CA8: variants seen among roughly 807,000 people sequenced by gnomAD.
The protein encoded by CA8 is carbonic anhydrase-related protein.
A neutral mutation model predicts 41.4 loss-of-function variants in CA8; 22 were observed. The observed-to-expected ratio is 0.53, with a 90% CI of 0.38 to 0.76. CA8 has a LOEUF of 0.76. CA8 is among the 30% of genes least tolerant of loss of function. CA8 has a pLI of 0.00. For missense variants in CA8, 270 were observed against 352.8 expected (o/e 0.77, Z 1.88); for synonymous variants, 121 against 130.6 (o/e 0.93, Z 0.50).
chr8:60,213,841 G>T (rs1465137004), intron 7 of CA8, among the ~76,000 whole-genome samples: 1 of 151,862 alleles, frequency 6.6e-6, no homozygotes, highest in Non-Finnish European at 1.5e-5. Flanking sequence ...GACAGGGCTG[G>T]CCTAGCGCTG....
chr8:60,255,971 C>T (rs938345569), intron 3 of CA8, among the ~76,000 whole-genome samples: 10 of 149,476 alleles, frequency 6.7e-5, no homozygotes, highest in African/African-American at 1.7e-4. Context: ...TGCAATGATG[C>T]GATCTCAGGC....
intron 2 of CA8, among the ~76,000 whole-genome samples, chr8:60,266,736 A>C (rs548844455): frequency 9.6e-4 from 146 of 152,334 alleles, no homozygotes; most frequent in African/African-American, 3.4e-3. Context: ...GAGCACACTA[A>C]AGGATAATGA....
chr8:60,204,855 T>C (rs1563522655), intron 8 of CA8, among the ~76,000 whole-genome samples: 2 of 152,334 alleles, frequency 1.3e-5, no homozygotes, highest in East Asian at 3.9e-4. Flanking sequence ...TTTCACCTAC[T>C]TGGTCATTCA....
At position 60,187,291 on chromosome 8, in the gene CA8, C is replaced by A. The variant is rs1309806066; in HGVS notation, c.*2730G>T. 6.6e-6 allele frequency: 1 copy of A among 151,950 alleles called. No individual in the cohort carries two copies. Among genetic ancestry groups the A allele is most frequent in the Non-Finnish European group, 1.5e-5 (1 of 67,924 alleles). 9.4% of individuals were successfully genotyped at this position (151,950 alleles called of 1,614,324 possible). A position where few individuals can be genotyped will look rare whatever the true frequency, so the allele number is the denominator to read the frequency against. On this transcript the variant is annotated 3_prime_UTR_variant, in exon 9 of 9. Coordinates refer to ENST00000317995, the MANE Select transcript of CA8 (RefSeq NM_004056.6). The stretch of plus-strand genomic sequence containing the variant: ...ACCTTGAGATGAATGAAAACAAAAA[C>A]ATGGCATACCAAAACTTATTGGATG...
At chr8:60,272,890 T>G (rs890991524) in intron 2 of CA8, among the ~76,000 whole-genome samples, 1 of 152,204 alleles carries the variant, frequency 6.6e-6, no homozygotes, top group African/African-American at 2.4e-5. Context: ...AGTTCACAGG[T>G]GCACATCTCC....
chr8:60,232,345 C>A lies in CA8; in HGVS notation c.452G>T (p.Gly151Val), dbSNP rs767757358. The change falls in exon 4 of 9, where the codon GGC becomes GTC. Residue 151 changes from glycine (G) to valine (V), a missense_variant. Coordinates refer to ENST00000317995, the MANE Select transcript of CA8 (RefSeq NM_004056.6). The part of the protein sequence containing the change: ...HLIHWNSTLF[G>V]SIDEAVGKPH... ...CTTCCCCACAGCCTCATCAATGCTGCCAAACAGAGTGGAGTTCCAGTGGAT... is the reference window on the plus strand; with the variant it reads ...CTTCCCCACAGCCTCATCAATGCTGACAAACAGAGTGGAGTTCCAGTGGAT... 7 of 1,614,026 alleles carry A rather than the reference C, an allele frequency of 4.3e-6. No individual in the cohort carries two copies. The South Asian group carries it at 7.7e-5, about 18-fold the overall frequency.
intron 2 of CA8, among the ~76,000 whole-genome samples, chr8:60,269,124 C>T (rs1803989122): frequency 6.6e-6 from 1 of 152,174 alleles, no homozygotes; most frequent in African/African-American, 2.4e-5. Flanking sequence ...AGAGCATTAC[C>T]TGTTCATCCC....
chr8:60,259,123 GGACA>G (rs1486171145), intron 3 of CA8, among the ~76,000 whole-genome samples: 18 of 152,216 alleles, frequency 1.2e-4, no homozygotes, highest in Admixed American at 7.2e-4. Context: ...ATGGGTGGAC[GGACA>G]GACAAATAAA....
In CA8 at chr8:60,213,954, A is replaced by G. The variant is rs575974477; in HGVS notation, c.739-5035T>C. Among the ~76,000 whole-genome samples the G allele has an allele frequency of 2.0e-4, 31 of 152,270 alleles. No homozygotes were observed. The East Asian group carries it at 5.2e-3, about 26-fold the overall frequency. On this transcript the variant is annotated intron_variant, in intron 7 of 8. Transcript: ENST00000317995. ...GGTACATATGAAACAGTGGTTCTCA[A>G]AGTATCCTCCCAGAATAAAAGTTTA... is the stretch of plus-strand genomic sequence containing the variant.
rs776556904 is a variant in CA8, at chr8:60,208,774, G to A, written c.*11C>T. ...CCCTCATGAAGACAGACTTGTTCCT[G>A]TCCTCTTTGGCTACTGAAATGCAGC... On this transcript the variant is annotated 3_prime_UTR_variant, in exon 8 of 9. Transcript: ENST00000317995. 2 of 1,614,088 alleles carry A rather than the reference G, an allele frequency of 1.2e-6. No homozygotes were observed. The highest frequency in any genetic ancestry group is 8.5e-7 in the Non-Finnish European group (1 of 1,179,996).
intron 3 of CA8, among the ~76,000 whole-genome samples, chr8:60,260,499 A>G (rs1585917682): frequency 6.6e-6 from 1 of 152,212 alleles, no homozygotes; most frequent in East Asian, 1.9e-4. Flanking sequence ...GCAAGGACAA[A>G]GCCCATTGTG....
intron 7 of CA8, among the ~76,000 whole-genome samples, chr8:60,214,826 A>G (rs1270302898): frequency 6.6e-6 from 1 of 152,260 alleles, no homozygotes; most frequent in African/African-American, 2.4e-5. Context: ...AGTTTTCAAT[A>G]TTCTAGAAGA....
In CA8 at chr8:60,185,870, G is replaced by A. The variant is rs538681210; in HGVS notation, c.*4151C>T. Among the ~76,000 whole-genome samples the A allele has an allele frequency of 1.3e-5, 2 of 151,860 alleles. No homozygotes were observed. The highest frequency in any genetic ancestry group is 1.9e-4 in the East Asian group (1 of 5,176). On this transcript the variant is annotated 3_prime_UTR_variant, in exon 9 of 9. Transcript: ENST00000317995. ...TCCATTCCAAAAAAAAAAGGGCACT[G>A]GTAAATGTAATTATGTAATTATGAA...
chr8:60,187,766 C>T lies in CA8; in HGVS notation c.*2255G>A, dbSNP rs1806004440. The T allele has an allele frequency of 6.6e-6, 1 of 152,110 alleles. No homozygotes were observed. The highest frequency in any genetic ancestry group is 2.4e-5 in the African/African-American group (1 of 41,430). The allele number at this position is 152,110 out of a possible 1,614,324, so 9.4% of individuals were successfully genotyped here. On this transcript the variant is annotated 3_prime_UTR_variant, in exon 9 of 9. Transcript: ENST00000317995. The stretch of plus-strand genomic sequence containing the variant: ...ACTTTGTTGCCTTATTAAATTGTTT[C>T]ATAAACAAAATGCACCCTAAATTAA...
chr8:60,267,804 C>T (rs767248923), intron 2 of CA8, among the ~76,000 whole-genome samples: 3 of 152,206 alleles, frequency 2.0e-5, no homozygotes, highest in Non-Finnish European at 4.4e-5. Flanking sequence ...GCACTTCATC[C>T]TATTTCCCAG....
At chr8:60,280,299 T>C (rs552967831) in intron 1 of CA8, among the ~76,000 whole-genome samples, 55 of 152,334 alleles carry the variant, frequency 3.6e-4, no homozygotes, top group African/African-American at 1.2e-3. Flanking sequence ...TGCTAGTAAA[T>C]AGACGCCCCT....
Position 60,243,406 on chromosome 8 carries a change from A to C in CA8, c.418-11027T>G, listed in dbSNP as rs1808109864. ...CTTAGCTCCTTCTCAACACCATTTA[A>C]TATGCATAGATGTTTCTCCTCTTTA... On this transcript the variant is annotated intron_variant, in intron 3 of 8. Transcript: ENST00000317995. 2.0e-5 allele frequency among the ~76,000 whole-genome samples: 3 copies of C among 150,224 alleles called. No individual in the cohort carries two copies. The South Asian group carries it at 6.4e-4, about 32-fold the overall frequency.
chr8:60,250,782 C>T (rs1280656080), intron 3 of CA8, among the ~76,000 whole-genome samples: 1 of 152,116 alleles, frequency 6.6e-6, no homozygotes, highest in Admixed American at 6.6e-5. Context: ...AAATAAATTT[C>T]ATAACTGTGT....
chr8:60,219,929 TAAAAAA>T (rs546162939), intron 7 of CA8, among the ~76,000 whole-genome samples: 79 of 82,010 alleles, frequency 9.6e-4, no homozygotes, highest in Non-Finnish European at 1.4e-3. Context: ...AATCTTAACT[TAAAAAA>T]AAAAAAAAAA....
Sources: gnomAD v4.1 joint callset for allele counts (sites outside exome capture counted in the v4.1 genomes callset) on GRCh38, gnomAD v4.1.1 for gene constraint, MANE v1.5 for transcripts, NCBI Gene and HGNC (gene_info 2026-07-23, HGNC 2026-07-21) for gene names.